EYS: variants seen among roughly 807,000 people sequenced by gnomAD.
EYS encodes the protein protein eyes shut homolog.
EYS carries 250 observed loss-of-function variants against 282.1 expected under a neutral mutation model. The observed-to-expected ratio is 0.89, with a 90% CI of 0.80 to 0.98. The LOEUF is 0.98. EYS is among the 50% of genes least tolerant of loss of function. The pLI, the probability that EYS is intolerant of heterozygous loss-of-function variation, is 0.00. For missense variants in EYS, 4,016 were observed against 3,709.0 expected, an observed-to-expected ratio of 1.08 and a Z score of -2.15; for synonymous variants, 1,355 against 1,282.9, an observed-to-expected ratio of 1.06 and a Z score of -1.20.
chr6:65,671,306 A>G (rs1225566683), intron 1 of EYS, among the ~76,000 whole-genome samples: 4 of 152,084 alleles, frequency 2.6e-5, no homozygotes, highest in Non-Finnish European at 4.4e-5. Flanking sequence ...AAACAAAGAG[A>G]TGTACTTTAA....
intron 14 of EYS, among the ~76,000 whole-genome samples, chr6:64,986,767 T>TTAACTACATTTATAAAC (rs377129364): frequency 6.6e-6 from 1 of 150,674 alleles, no homozygotes; most frequent in South Asian, 2.1e-4. Flanking sequence ...AAAATTGATG[T>TTAACTACATTTATAAAC]ATTTTAGAAA....
intron 30 of EYS, among the ~76,000 whole-genome samples, chr6:64,242,912 T>C (rs1766880652): frequency 6.8e-6 from 1 of 146,380 alleles, no homozygotes; most frequent in South Asian, 2.1e-4. Context: ...TCAAATATAG[T>C]ATTCATATAT....
chr6:63,892,403 C>T (rs1303596386), intron 35 of EYS, among the ~76,000 whole-genome samples: 2 of 152,102 alleles, frequency 1.3e-5, no homozygotes, highest in Non-Finnish European at 2.9e-5. Flanking sequence ...TGGAACAGAA[C>T]AGAGGCCTCA....
intron 26 of EYS, among the ~76,000 whole-genome samples, chr6:64,572,569 T>C (rs1320131864): frequency 6.6e-6 from 1 of 152,170 alleles, no homozygotes; most frequent in East Asian, 1.9e-4. Context: ...TTAGCAAATT[T>C]GGCAAATACT....
chr6:64,527,239 A>C (rs1017926520), intron 26 of EYS, among the ~76,000 whole-genome samples: 4 of 151,810 alleles, frequency 2.6e-5, no homozygotes, highest in Non-Finnish European at 4.4e-5. Flanking sequence ...TCCTGGGCTT[A>C]ATATATGGCC....
chr6:63,922,894 A>G (rs1299681150), intron 35 of EYS, among the ~76,000 whole-genome samples: 36 of 152,194 alleles, frequency 2.4e-4, no homozygotes, highest in Admixed American at 2.4e-3. Context: ...GAGCCAGCTG[A>G]CCTCATTTCT....
intron 14 of EYS, among the ~76,000 whole-genome samples, chr6:64,949,303 A>T (rs532097619): frequency 6.6e-6 from 1 of 151,964 alleles, no homozygotes; most frequent in Non-Finnish European, 1.5e-5. Flanking sequence ...CTGGGATGTG[A>T]TCTCACCTAG....
At chr6:65,054,311 A>C (rs1321905838) in intron 13 of EYS, among the ~76,000 whole-genome samples, 6 of 151,976 alleles carry the variant, frequency 3.9e-5, no homozygotes, top group Admixed American at 3.3e-4. Flanking sequence ...ACATCTTTTC[A>C]TATAAGAATT....
At chr6:65,488,858 C>A (rs1487711915) in intron 5 of EYS, among the ~76,000 whole-genome samples, 2 of 152,138 alleles carry the variant, frequency 1.3e-5, no homozygotes, top group African/African-American at 2.4e-5. Flanking sequence ...ACAAACCTGA[C>A]ACACACAAGC....
intron 12 of EYS, among the ~76,000 whole-genome samples, chr6:65,129,274 G>C (rs1343740892): frequency 5.3e-5 from 8 of 151,818 alleles, no homozygotes; most frequent in Non-Finnish European, 1.2e-4. Flanking sequence ...AGTATTTATG[G>C]CTAAATCCTT....
intron 5 of EYS, among the ~76,000 whole-genome samples, chr6:65,405,664 G>C (rs1222111218): frequency 6.6e-6 from 1 of 152,002 alleles, no homozygotes; most frequent in East Asian, 1.9e-4. Context: ...CCCAGTTCCA[G>C]GCATTTCATT....
chr6:65,135,261 G>T (rs1284906692), intron 12 of EYS, among the ~76,000 whole-genome samples: 4 of 151,920 alleles, frequency 2.6e-5, no homozygotes, highest in African/African-American at 9.7e-5. Flanking sequence ...AGAATATTTA[G>T]TCAGTTACAT....
intron 31 of EYS, among the ~76,000 whole-genome samples, chr6:64,165,497 C>CA (rs1192107756): frequency 6.6e-6 from 1 of 152,000 alleles, no homozygotes; most frequent in Non-Finnish European, 1.5e-5. Context: ...TCCAATTGTG[C>CA]AGGTGGTTTA....
chr6:64,170,444 G>A (rs1764445318), intron 31 of EYS, among the ~76,000 whole-genome samples: 1 of 151,912 alleles, frequency 6.6e-6, no homozygotes, highest in Non-Finnish European at 1.5e-5. Flanking sequence ...CATCAGCAAG[G>A]CCATACCCCT....
chr6:63,931,623 C>T (rs1764897597), intron 35 of EYS, among the ~76,000 whole-genome samples: 1 of 152,114 alleles, frequency 6.6e-6, no homozygotes, highest in African/African-American at 2.4e-5. Flanking sequence ...CTATTGTTAA[C>T]ATGTTTTTCT....
chr6:63,876,022 T>C (rs1010140126), intron 35 of EYS, among the ~76,000 whole-genome samples: 1 of 152,212 alleles, frequency 6.6e-6, no homozygotes, highest in African/African-American at 2.4e-5. Context: ...AGCTTTTGAA[T>C]ATGTTTGCTC....
At chr6:65,293,673 G>A (rs1768587528) in intron 12 of EYS, among the ~76,000 whole-genome samples, 1 of 151,838 alleles carries the variant, frequency 6.6e-6, no homozygotes, top group Non-Finnish European at 1.5e-5. Flanking sequence ...AGCAGTGTAA[G>A]GATCACCCCA....
At position 63,720,367 on chromosome 6, in the gene EYS, C is replaced by T. The variant is rs1175317223; in HGVS notation, c.*229G>A. The T allele has an allele frequency of 2.2e-6, 1 of 460,628 alleles. No homozygotes were observed. Among genetic ancestry groups the T allele is most frequent in the Admixed American group, 3.8e-5 (1 of 26,020 alleles). The allele number at this position is 460,628 out of a possible 1,614,324, so 28.5% of individuals were successfully genotyped here. On this transcript the variant is annotated 3_prime_UTR_variant, in exon 43 of 43. Transcript: ENST00000503581. ...GCACATTCTGTGAATAAGCACTGAA[C>T]TAATGGAGTTAAAACATGAATCAAA... is the stretch of plus-strand genomic sequence containing the variant.
At chr6:63,992,536 G>T (rs1767649944) in intron 34 of EYS, among the ~76,000 whole-genome samples, 1 of 151,714 alleles carries the variant, frequency 6.6e-6, no homozygotes, top group Non-Finnish European at 1.5e-5. Context: ...TAGAGTTTTA[G>T]TATGTGATAT....
Sources: gnomAD v4.1 joint callset for allele counts (sites outside exome capture counted in the v4.1 genomes callset) on GRCh38, gnomAD v4.1.1 for gene constraint, MANE v1.5 for transcripts, NCBI Gene and HGNC (gene_info 2026-07-23, HGNC 2026-07-21) for gene names.